The following RTN1 variants were observed in gnomAD, a reference collection of about 807,000 sequenced individuals.
RTN1 encodes the protein reticulon 1.
A neutral mutation model predicts 65.5 loss-of-function variants in RTN1; 25 were observed. That is an observed-to-expected ratio of 0.38 (90% CI 0.28 to 0.53). The LOEUF is 0.53. Among genes scored for constraint, RTN1 ranks in the 20% least tolerant of loss-of-function variants. The pLI is 0.79. For synonymous variants in RTN1, 471 were observed against 447.6 expected (o/e 1.05, Z -0.66); for missense variants, 983 against 1,025.4 (o/e 0.96, Z 0.57).
intron 1 of RTN1, among the ~76,000 whole-genome samples, chr14:59,864,225 C>T (rs1887759950): frequency 1.3e-5 from 2 of 152,144 alleles, no homozygotes; most frequent in African/African-American, 2.4e-5. Flanking sequence ...TGACCCTTTG[C>T]TCATCCCCTA....
intron 3 of RTN1, among the ~76,000 whole-genome samples, chr14:59,638,800 T>TG (rs1423238410): frequency 5.3e-5 from 8 of 152,268 alleles, no homozygotes; most frequent in Non-Finnish European, 8.8e-5. Context: ...ACCAGACCAC[T>TG]GAAACTTTCT....
intron 3 of RTN1, among the ~76,000 whole-genome samples, chr14:59,703,382 A>G (rs921360263): frequency 4.0e-4 from 61 of 152,208 alleles, no homozygotes; most frequent in African/African-American, 1.4e-3. Context: ...CTGAGTTCAC[A>G]TGAGATCTGA....
At chr14:59,860,258 T>C (rs1424829324) in intron 1 of RTN1, among the ~76,000 whole-genome samples, 1 of 152,186 alleles carries the variant, frequency 6.6e-6, no homozygotes. Flanking sequence ...ACTCCAGCCA[T>C]GGCTGAAAGG....
At chr14:59,740,792 G>C (rs989831650) in intron 2 of RTN1, among the ~76,000 whole-genome samples, 2 of 152,138 alleles carry the variant, frequency 1.3e-5, no homozygotes, top group African/African-American at 4.8e-5. Flanking sequence ...GAACAAAACA[G>C]AAGTTTCCAT....
At chr14:59,707,359 C>T (rs1006891633) in intron 3 of RTN1, among the ~76,000 whole-genome samples, 2 of 152,188 alleles carry the variant, frequency 1.3e-5, no homozygotes, top group African/African-American at 2.4e-5. Flanking sequence ...CTTTGACCAT[C>T]GTATTTAAAA....
chr14:59,630,396 C>T (rs755160741), intron 3 of RTN1: 21 of 1,611,482 alleles, frequency 1.3e-5, no homozygotes, highest in Non-Finnish European at 1.4e-5. Flanking sequence ...AGTCCAGGTC[C>T]CGGGTTTCCC....
chr14:59,765,982 C>T (rs9323356), intron 1 of RTN1, among the ~76,000 whole-genome samples: 56,307 of 151,970 alleles, frequency 0.37, 10,599 homozygotes, highest in Middle Eastern at 0.45. Context: ...GTAATCCCAG[C>T]ACTTTGGGAG....
chr14:59,618,555 T>C (rs529221764), intron 3 of RTN1, among the ~76,000 whole-genome samples: 9 of 152,358 alleles, frequency 5.9e-5, no homozygotes, highest in African/African-American at 1.2e-4. Flanking sequence ...TGAATTACTC[T>C]TTCTCTATTG....
At chr14:59,843,802 AT>A (rs1190596725) in intron 1 of RTN1, among the ~76,000 whole-genome samples, 7 of 152,220 alleles carry the variant, frequency 4.6e-5, no homozygotes, top group African/African-American at 1.7e-4. Context: ...TTATACAGCC[AT>A]TGGAGTTTTG....
At chr14:59,819,131 C>T (rs543552377) in intron 1 of RTN1, among the ~76,000 whole-genome samples, 7 of 152,020 alleles carry the variant, frequency 4.6e-5, no homozygotes, top group South Asian at 2.1e-4. Flanking sequence ...TTTGTGGTCT[C>T]GCTGGCTTCA....
intron 3 of RTN1, among the ~76,000 whole-genome samples, chr14:59,625,554 T>C (rs1401744103): frequency 2.0e-5 from 3 of 152,238 alleles, no homozygotes; most frequent in Non-Finnish European, 4.4e-5. Context: ...TTTTGTAACA[T>C]ATTCAATCTT....
rs146887631 is a variant in RTN1, at chr14:59,718,633, T to C, written c.1765+8286A>G. On this transcript the variant is annotated intron_variant, in intron 3 of 8. Transcript: ENST00000267484. ...CACCTAAATATATTAAACCCGTTGC[T>C]TGGCCAGGAAAATATGCTAGATACA... Among the ~76,000 whole-genome samples, 10 of 152,284 alleles carry C rather than the reference T, an allele frequency of 6.6e-5. No individual in the cohort carries two copies. In the East Asian group the frequency reaches 1.9e-3, roughly 29 times the overall value.
chr14:59,657,707 C>G (rs868359115), intron 3 of RTN1, among the ~76,000 whole-genome samples: 1 of 152,296 alleles, frequency 6.6e-6, no homozygotes, highest in African/African-American at 2.4e-5. Flanking sequence ...ATGGTGCATT[C>G]TGGCCCAGAA....
intron 3 of RTN1, among the ~76,000 whole-genome samples, chr14:59,650,235 C>T (rs944802416): frequency 3.3e-5 from 5 of 152,296 alleles, no homozygotes; most frequent in African/African-American, 1.2e-4. Context: ...GAACATCACA[C>T]ACCAGGGCCT....
At chr14:59,722,944 T>TGCACCA (rs1210093273) in intron 3 of RTN1, among the ~76,000 whole-genome samples, 2 of 151,900 alleles carry the variant, frequency 1.3e-5, no homozygotes, top group African/African-American at 4.8e-5. Flanking sequence ...ACTACAGGCA[T>TGCACCA]GCACCACCAC....
At chr14:59,852,348 A>G (rs915127843) in intron 1 of RTN1, among the ~76,000 whole-genome samples, 1 of 151,262 alleles carries the variant, frequency 6.6e-6, no homozygotes, top group Admixed American at 6.6e-5. Flanking sequence ...TAAAATTGAG[A>G]AAAAAACTGA....
intron 1 of RTN1, among the ~76,000 whole-genome samples, chr14:59,762,382 A>T (rs1885767118): frequency 6.6e-6 from 1 of 152,134 alleles, no homozygotes; most frequent in Non-Finnish European, 1.5e-5. Context: ...TAAATAGATG[A>T]TCTCATTTCA....
At chr14:59,804,510 T>C (rs1886602170) in intron 1 of RTN1, among the ~76,000 whole-genome samples, 2 of 152,194 alleles carry the variant, frequency 1.3e-5, no homozygotes, top group Admixed American at 1.3e-4. Flanking sequence ...TAAAATATAT[T>C]TTTAAAACTT....
intron 3 of RTN1, among the ~76,000 whole-genome samples, chr14:59,621,375 G>A (rs1882250537): frequency 6.6e-6 from 1 of 152,160 alleles, no homozygotes; most frequent in African/African-American, 2.4e-5. Context: ...ATATTGCTTT[G>A]CCAGTTGTAA....
Sources: gnomAD v4.1 joint callset for allele counts (sites outside exome capture counted in the v4.1 genomes callset) on GRCh38, gnomAD v4.1.1 for gene constraint, MANE v1.5 for transcripts, NCBI Gene and HGNC (gene_info 2026-07-23, HGNC 2026-07-21) for gene names.